GBF1: variants seen among roughly 807,000 people sequenced by gnomAD.
The protein encoded by GBF1 is golgi brefeldin A resistant guanine nucleotide exchange factor 1.
A neutral mutation model predicts 210.5 loss-of-function variants in GBF1; 114 were observed. That is an observed-to-expected ratio of 0.54 (90% CI 0.47 to 0.63). The LOEUF is 0.63. Ranked by LOEUF, GBF1 falls within the 30% of genes least tolerant of loss-of-function variation. The pLI, the probability that GBF1 is intolerant of heterozygous loss-of-function variation, is 0.00. For missense variants in GBF1, 1,851 were observed against 2,357.7 expected, an observed-to-expected ratio of 0.79 and a Z score of 4.45; for synonymous variants, 850 against 889.2, an observed-to-expected ratio of 0.96 and a Z score of 0.78.
chr10:102,324,698 T>A, intron 3 of GBF1, among the ~76,000 whole-genome samples: 1 of 152,184 alleles, frequency 6.6e-6, no homozygotes, highest in Non-Finnish European at 1.5e-5. Flanking sequence ...GCGATTCTCC[T>A]GCCTCAGCCT....
At chr10:102,291,929 G>T (rs182865698) in intron 3 of GBF1, among the ~76,000 whole-genome samples, 3 of 139,872 alleles carry the variant, frequency 2.1e-5, no homozygotes, top group South Asian at 4.6e-4. Context: ...TCGCTGTGTC[G>T]CCCAGGCTGG....
intron 1 of GBF1, among the ~76,000 whole-genome samples, chr10:102,257,037 C>CA (rs1037219201): frequency 3.9e-5 from 6 of 151,938 alleles, no homozygotes; most frequent in Non-Finnish European, 7.4e-5. Context: ...GACCTTGTCT[C>CA]AAAAAAACCC....
intron 1 of GBF1, among the ~76,000 whole-genome samples, chr10:102,255,332 C>A (rs1004463130): frequency 1.3e-5 from 2 of 152,170 alleles, no homozygotes; most frequent in African/African-American, 4.8e-5. Flanking sequence ...TGAACCACTG[C>A]GCCCAGCCCT....
In GBF1 at chr10:102,363,233, C is replaced by A; in HGVS notation, c.1877-23C>A. ...TGGCTTCATACCCTATAAGTCTTCA[C>A]GTATCTTCTTCTCTCTTACCAGCTG... On this transcript the variant is annotated intron_variant, in intron 15 of 39. Coordinates refer to ENST00000369983, the MANE Select transcript of GBF1 (RefSeq NM_001377137.1). This position sits in a 1 kb window ranked among gnomAD's most constrained non-coding sequence, Gnocchi z 4.2. 1 of 1,600,026 alleles carries A rather than the reference C, an allele frequency of 6.2e-7. No homozygotes were observed.
At chr10:102,348,411 A>C (rs556614441) in intron 4 of GBF1, among the ~76,000 whole-genome samples, 1 of 152,336 alleles carries the variant, frequency 6.6e-6, no homozygotes, top group East Asian at 1.9e-4. Flanking sequence ...ACACCTTAAC[A>C]AGAGAGATTA....
intron 3 of GBF1, among the ~76,000 whole-genome samples, chr10:102,274,941 A>C (rs1489290167): frequency 6.6e-6 from 1 of 150,818 alleles, no homozygotes; most frequent in Non-Finnish European, 1.5e-5. Flanking sequence ...TGAACTCCCA[A>C]CCTCAGGTGA....
chr10:102,277,031 T>TA, intron 3 of GBF1, among the ~76,000 whole-genome samples: 1 of 151,812 alleles, frequency 6.6e-6, no homozygotes, highest in Non-Finnish European at 1.5e-5. Context: ...TATATAGACA[T>TA]AAAATTATTT....
At position 102,363,257 on chromosome 10, in the gene GBF1, TGA is replaced by T; in HGVS notation, c.1883_1884del (p.Arg628AsnfsTer36). 1 of 1,611,742 alleles carries T rather than the reference TGA, an allele frequency of 6.2e-7. No homozygotes were observed. Among genetic ancestry groups the T allele is most frequent in the South Asian group, 1.1e-5 (1 of 90,872 alleles). ...VDGTREASNT[E>X]RTASDGKAVG... The stretch of plus-strand genomic sequence containing the variant: ...ACGTATCTTCTTCTCTCTTACCAGC[TGA>T]GAGAACTGCCAGCGATGGGAAAGCT... On this transcript the variant is annotated frameshift_variant and splice_region_variant, in exon 16 of 40. Transcript: ENST00000369983. LOFTEE classifies it high-confidence loss of function. The surrounding 1 kb of genome is among the most constrained non-coding windows in gnomAD (Gnocchi z 4.2).
At chr10:102,247,294 T>C (rs1300988182) in intron 1 of GBF1, among the ~76,000 whole-genome samples, 1 of 152,210 alleles carries the variant, frequency 6.6e-6, no homozygotes, top group Non-Finnish European at 1.5e-5. Context: ...TTGTGTGTGT[T>C]GGGAGAAGGG....
intron 3 of GBF1, among the ~76,000 whole-genome samples, chr10:102,311,262 A>C (rs1243414024): frequency 2.0e-5 from 3 of 152,196 alleles, no homozygotes; most frequent in Non-Finnish European, 2.9e-5. Context: ...ACTTCTGTTT[A>C]ATGTCCTTAG....
In GBF1 at chr10:102,361,793, C is replaced by A. The variant is rs767473218; in HGVS notation, c.1567C>A (p.Leu523Met). Residue 523 changes from leucine to methionine, a missense_variant, in exon 14 of 40, where the codon CTG (leucine) becomes ATG (methionine). Transcript: ENST00000369983. ...KMPYEMKEMA[L>M]EAIVQLWRIP... ...GCCTTATGAGATGAAGGAGATGGCA[C>A]TGGAGGCCATTGTGCAGCTCTGGCG... 1.2e-6 allele frequency: 2 copies of A among 1,613,400 alleles called. No individual in the cohort carries two copies. Among genetic ancestry groups the A allele is most frequent in the Non-Finnish European group, 1.7e-6 (2 of 1,179,370 alleles).
Position 102,280,916 on chromosome 10 carries a change from G to A in GBF1, c.163+20800G>A, listed in dbSNP as rs191657613. 1.0e-3 allele frequency among the ~76,000 whole-genome samples: 157 copies of A among 152,310 alleles called. 1 individual carries two copies. The highest frequency in any genetic ancestry group is 3.2e-4 in the Non-Finnish European group (22 of 68,026). On this transcript the variant is annotated intron_variant, in intron 3 of 39. Coordinates refer to ENST00000369983, the MANE Select transcript of GBF1 (RefSeq NM_001377137.1). Reference sequence around the variant, plus strand: ...TCTGGGAAAGGAAGTGTTGTCTTTCGTCTGAGAAACAATTTCCTGCACTTC... The same window carrying A: ...TCTGGGAAAGGAAGTGTTGTCTTTCATCTGAGAAACAATTTCCTGCACTTC...
At chr10:102,299,694 A>G (rs946364227) in intron 3 of GBF1, among the ~76,000 whole-genome samples, 1 of 152,152 alleles carries the variant, frequency 6.6e-6, no homozygotes, top group African/African-American at 2.4e-5. Context: ...AGGCAGGAGA[A>G]TCGCTTGAAC....
At chr10:102,275,047 T>G (rs936955466) in intron 3 of GBF1, among the ~76,000 whole-genome samples, 4 of 149,704 alleles carry the variant, frequency 2.7e-5, no homozygotes, top group Non-Finnish European at 5.9e-5. Context: ...AATCTTGCTC[T>G]GTTGCCCAGG....
intron 3 of GBF1, among the ~76,000 whole-genome samples, chr10:102,331,027 T>C (rs2057294138): frequency 6.6e-6 from 1 of 151,870 alleles, no homozygotes; most frequent in Non-Finnish European, 1.5e-5. Context: ...ATGGCAAAAA[T>C]GACGATTTCA....
intron 3 of GBF1, 121 bp downstream of exon 3, chr10:102,260,237 G>A (rs1037896093): frequency 1.8e-6 from 1 of 556,394 alleles, no homozygotes; most frequent in Non-Finnish European, 3.2e-6. Context: ...GGCTTTGTGG[G>A]CCATACACAA....
the GBF1 span, chr10:102,231,097 C>T: frequency 6.5e-7 from 1 of 1,550,196 alleles, no homozygotes; most frequent in Non-Finnish European, 8.7e-7. Flanking sequence ...GTTCTTGAAC[C>T]ACACCTGCGG....
In GBF1 at chr10:102,358,538, ATC is replaced by A; in HGVS notation, c.823_824del (p.Ser275LeufsTer33). 1 of 1,613,890 alleles carries A rather than the reference ATC, an allele frequency of 6.2e-7. No individual in the cohort carries two copies. Among genetic ancestry groups the A allele is most frequent in the Non-Finnish European group, 8.5e-7 (1 of 1,179,804 alleles). ...GMPFIDVPTPISSASSEAASA... is the reference protein window; with the variant it reads ...GMPFIDVPTPXSSASSEAASA... Reference sequence around the variant, plus strand: ...GCCCTTCATTGATGTGCCCACTCCCATCTCCTCTGCAAGTTCAGAAGCTGCCT... The same window carrying A: ...GCCCTTCATTGATGTGCCCACTCCCATCCTCTGCAAGTTCAGAAGCTGCCT... On this transcript the variant is annotated frameshift_variant, in exon 10 of 40. Transcript: ENST00000369983. LOFTEE classifies it high-confidence loss of function.
At chr10:102,236,517 C>A in the GBF1 span, among the ~76,000 whole-genome samples, 1 of 152,152 alleles carries the variant, frequency 6.6e-6, no homozygotes, top group Admixed American at 6.5e-5. Context: ...TACAGGTATG[C>A]TCTGATTCTG....
Sources: gnomAD v4.1 joint callset for allele counts (sites outside exome capture counted in the v4.1 genomes callset) on GRCh38, gnomAD v4.1.1 for gene constraint, Gnocchi (gnomAD v3.1) non-coding constraint, MANE v1.5 for transcripts, NCBI Gene and HGNC (gene_info 2026-07-23, HGNC 2026-07-21) for gene names.